RIMS2: variants seen among roughly 807,000 people sequenced by gnomAD.
RIMS2 encodes the protein regulating synaptic membrane exocytosis protein 2.
Under a neutral mutation model 174.4 loss-of-function variants are expected in RIMS2, and 59 were observed. The ratio of observed to expected loss-of-function variants is 0.34; its 90% confidence interval spans 0.27 to 0.42. The LOEUF (loss-of-function observed/expected upper bound fraction) is 0.42. Ranked by LOEUF, RIMS2 falls within the 10% of genes least tolerant of loss-of-function variation. The probability of loss-of-function intolerance (pLI) is 1.00; values close to 1 mark genes in which losing one functional copy is unlikely to be tolerated. For missense variants in RIMS2, 1,620 were observed against 1,666.3 expected, an observed-to-expected ratio of 0.97 and a Z score of 0.48; for synonymous variants, 606 against 572.5, an observed-to-expected ratio of 1.06 and a Z score of -0.84.
chr8:103,703,493 T>C (rs1248028397), intron 2 of RIMS2, among the ~76,000 whole-genome samples: 1 of 152,076 alleles, frequency 6.6e-6, no homozygotes, highest in African/African-American at 2.4e-5. Flanking sequence ...CCATTCAGAC[T>C]CCCAAAGTGC....
chr8:103,548,492 C>G (rs1207372822), intron 1 of RIMS2, among the ~76,000 whole-genome samples: 1 of 151,404 alleles, frequency 6.6e-6, no homozygotes, highest in African/African-American at 2.4e-5. Flanking sequence ...AAACTTGCAA[C>G]AAACTAGGCA....
chr8:103,698,209 T>G (rs2097129303), intron 2 of RIMS2, among the ~76,000 whole-genome samples: 1 of 152,220 alleles, frequency 6.6e-6, no homozygotes, highest in Non-Finnish European at 1.5e-5. Context: ...TATAATTGTT[T>G]CCCCTGGATT....
intron 19 of RIMS2, among the ~76,000 whole-genome samples, chr8:104,138,980 C>T (rs950681083): frequency 6.6e-6 from 1 of 152,088 alleles, no homozygotes; most frequent in South Asian, 2.1e-4. Flanking sequence ...TATTTTTCTG[C>T]ATATGGATGT....
At chr8:103,822,059 A>G (rs1180468152) in intron 3 of RIMS2, among the ~76,000 whole-genome samples, 2 of 135,718 alleles carry the variant, frequency 1.5e-5, no homozygotes, top group African/African-American at 5.6e-5. Flanking sequence ...GTATTGTGAC[A>G]TTAACAATGA....
intron 3 of RIMS2, among the ~76,000 whole-genome samples, chr8:103,796,118 T>G (rs1206552778): frequency 6.6e-6 from 1 of 152,136 alleles, no homozygotes; most frequent in Non-Finnish European, 1.5e-5. Context: ...CCACAATATG[T>G]TTTTCTTCCT....
At chr8:104,114,668 C>T (rs1027649845) in intron 19 of RIMS2, among the ~76,000 whole-genome samples, 2 of 151,826 alleles carry the variant, frequency 1.3e-5, no homozygotes, top group African/African-American at 4.8e-5. Flanking sequence ...CTAGGAACTA[C>T]ATCACTGACT....
At chr8:104,233,734 A>G (rs1000702632) in intron 19 of RIMS2, among the ~76,000 whole-genome samples, 1 of 152,100 alleles carries the variant, frequency 6.6e-6, no homozygotes, top group Admixed American at 6.5e-5. Flanking sequence ...TTTTTTCTAT[A>G]CCAGTAGTGC....
intron 19 of RIMS2, among the ~76,000 whole-genome samples, chr8:104,212,249 C>A (rs1368903999): frequency 6.6e-6 from 1 of 151,984 alleles, no homozygotes; most frequent in Non-Finnish European, 1.5e-5. Flanking sequence ...AAATTATATC[C>A]TCTGGAGGGA....
At chr8:103,932,247 G>A (rs936897421) in intron 12 of RIMS2, among the ~76,000 whole-genome samples, 5 of 152,074 alleles carry the variant, frequency 3.3e-5, no homozygotes, top group African/African-American at 4.8e-5. Context: ...ATGTTTATAC[G>A]CTTTTGGAAT....
intron 19 of RIMS2, among the ~76,000 whole-genome samples, chr8:104,185,439 G>A (rs1334056290): frequency 6.6e-6 from 1 of 151,492 alleles, no homozygotes; most frequent in African/African-American, 2.4e-5. Flanking sequence ...CTGGATCAAT[G>A]GTATCTGTAG....
At position 104,075,077 on chromosome 8, in the gene RIMS2, G is replaced by T. The variant is rs535205418; in HGVS notation, c.3334+60462G>T. Among the ~76,000 whole-genome samples the T allele has an allele frequency of 2.0e-5, 3 of 152,234 alleles. No individual in the cohort carries two copies. The East Asian group carries it at 5.8e-4, about 29-fold the overall frequency. Reference sequence around the variant, plus strand: ...TGGGGAAAAGTATTTTTCTTAGGGAGAAAAATTGAGCTGCTGTTAGTATGT... The same window carrying T: ...TGGGGAAAAGTATTTTTCTTAGGGATAAAAATTGAGCTGCTGTTAGTATGT... On this transcript the variant is annotated intron_variant, in intron 19 of 23. Transcript: ENST00000504942.
chr8:103,809,235 T>G (rs1302362411), intron 3 of RIMS2, among the ~76,000 whole-genome samples: 1 of 152,116 alleles, frequency 6.6e-6, no homozygotes, highest in Non-Finnish European at 1.5e-5. Context: ...GGCCAATGCT[T>G]ATCATTCCAT....
At chr8:103,623,370 A>G (rs13260896) in intron 1 of RIMS2, among the ~76,000 whole-genome samples, 26,702 of 151,128 alleles carry the variant, frequency 0.18, 2,544 homozygotes, top group African/African-American at 0.24. Flanking sequence ...TGTTTGAAAT[A>G]TTTTCTAATG....
chr8:104,248,914 T>TC (rs2099349199), intron 21 of RIMS2, 101 bp downstream of exon 27: 4 of 595,474 alleles, frequency 6.7e-6, no homozygotes, highest in African/African-American at 2.4e-5. Context: ...TCTCTCTCTT[T>TC]CCCTCTCTCT....
At chr8:103,670,667 TA>T (rs938189223) in intron 1 of RIMS2, among the ~76,000 whole-genome samples, 85 of 152,280 alleles carry the variant, frequency 5.6e-4, no homozygotes, top group Middle Eastern at 3.4e-3. Flanking sequence ...GTCTCTTTGC[TA>T]AAAAATAACA....
chr8:103,565,778 A>G (rs189774952), intron 1 of RIMS2, among the ~76,000 whole-genome samples: 70 of 152,274 alleles, frequency 4.6e-4, no homozygotes, highest in African/African-American at 1.6e-3. Flanking sequence ...GCCTCTGAAC[A>G]CTGGTGAGAC....
At chr8:103,694,819 C>A (rs1234857909) in intron 1 of RIMS2, among the ~76,000 whole-genome samples, 1 of 152,208 alleles carries the variant, frequency 6.6e-6, no homozygotes, top group African/African-American at 2.4e-5. Context: ...GGAAGCCAGC[C>A]TGGCACTGAG....
At chr8:104,135,231 T>A (rs900389551) in intron 19 of RIMS2, among the ~76,000 whole-genome samples, 1 of 152,014 alleles carries the variant, frequency 6.6e-6, no homozygotes, top group Non-Finnish European at 1.5e-5. Context: ...GGAGAACATA[T>A]ATGCTGTAAT....
chr8:104,060,696 T>C (rs2096967816), intron 19 of RIMS2, among the ~76,000 whole-genome samples: 1 of 152,190 alleles, frequency 6.6e-6, no homozygotes. Flanking sequence ...TGCTTTCTAT[T>C]ATGGGCATTT....
Sources: allele counts gnomAD v4.1 joint callset (sites outside exome capture counted in the v4.1 genomes callset), GRCh38; gene constraint gnomAD v4.1.1; transcripts MANE v1.5; gene names NCBI Gene and HGNC (gene_info 2026-07-23, HGNC 2026-07-21).